Variants in GNS observed in about 807,000 individuals in gnomAD.
The protein encoded by GNS is glucosamine (N-acetyl)-6-sulfatase, also known as N-acetylglucosamine-6-sulfatase.
Under a neutral mutation model 69.7 loss-of-function variants are expected in GNS, and 40 were observed. The ratio of observed to expected loss-of-function variants is 0.57; its 90% CI spans 0.45 to 0.75. The LOEUF (loss-of-function observed/expected upper bound fraction) is 0.75. Among genes scored for constraint, GNS ranks in the 30% least tolerant of loss-of-function variants. GNS has a pLI of 0.00. For synonymous variants in GNS, 243 were observed against 251.6 expected (o/e 0.97, Z 0.32); for missense variants, 565 against 685.5 (o/e 0.82, Z 1.96).
At chr12:64,721,531 A>C in intron 12 of GNS, 64 bp downstream of exon 12, 1 of 824,296 alleles carries the variant, frequency 1.2e-6, no homozygotes, top group Non-Finnish European at 2.2e-6. Flanking sequence ...TATGCCACCA[A>C]GTCCAGCCAA....
At chr12:64,757,562 A>ATT (rs1190614126) in intron 1 of GNS, among the ~76,000 whole-genome samples, 6 of 152,252 alleles carry the variant, frequency 3.9e-5, no homozygotes, top group Admixed American at 2.6e-4. Context: ...AATGAAGCAT[A>ATT]TATGGCAGGA....
chr12:64,754,846 A>C (rs1870198029), intron 1 of GNS, among the ~76,000 whole-genome samples: 1 of 151,848 alleles, frequency 6.6e-6, no homozygotes, highest in South Asian at 2.1e-4. Flanking sequence ...CTATGACTGC[A>C]CCACTGCAAT....
At chr12:64,745,340 C>T (rs1478404691) in intron 4 of GNS, among the ~76,000 whole-genome samples, 2 of 151,232 alleles carry the variant, frequency 1.3e-5, no homozygotes, top group Non-Finnish European at 2.9e-5. Context: ...TTACCTCAGC[C>T]TCCCGAGTAG....
At chr12:64,727,914 TA>T (rs1046469898) in intron 10 of GNS, among the ~76,000 whole-genome samples, 15 of 151,406 alleles carry the variant, frequency 9.9e-5, no homozygotes, top group South Asian at 4.2e-4. Context: ...ATTGGACACT[TA>T]AAAAAAAATG....
chr12:64,720,265 G>A, intron 12 of GNS, 83 bp from the exon 13 acceptor site: 1 of 917,200 alleles, frequency 1.1e-6, no homozygotes, highest in Non-Finnish European at 1.8e-6. Flanking sequence ...TATTTCTAAA[G>A]GGGAAGGGAG....
intron 9 of GNS, among the ~76,000 whole-genome samples, chr12:64,736,498 G>T (rs544252661): frequency 6.6e-6 from 1 of 152,198 alleles, no homozygotes; most frequent in African/African-American, 2.4e-5. Context: ...CAGATCCCAG[G>T]GGATTCACAC....
rs1353889628 is a variant in GNS, at chr12:64,752,755, T to C, written c.195A>G (p.Thr65=). The C allele has an allele frequency of 7.0e-7, 1 of 1,420,158 alleles. No homozygotes were observed. Among genetic ancestry groups the C allele is most frequent in the South Asian group, 1.2e-5 (1 of 86,468 alleles). 88.0% of individuals were successfully genotyped at this position (1,420,158 alleles called of 1,614,324 possible). ...DDQDEVLGGM[T]PLKKTKALIG... ...TGAGAGCTTTGGTTTTCTTTAGCGG[T>C]GTCTGTAAAAGTAAGTAATTATCCA... Residue 65 remains threonine (T), a splice_region_variant and synonymous_variant, in exon 2 of 14, where the codon ACA becomes ACG. Coordinates refer to ENST00000258145, the MANE Select transcript of GNS (RefSeq NM_002076.4).
chr12:64,727,118 A>G (rs1869226358), intron 10 of GNS, among the ~76,000 whole-genome samples: 1 of 151,926 alleles, frequency 6.6e-6, no homozygotes, highest in African/African-American at 2.4e-5. Context: ...AATAGCAAGT[A>G]TTGGCTCCCA....
Position 64,743,246 on chromosome 12 carries a change from G to T in GNS, c.687C>A (p.Ile229=), listed in dbSNP as rs767396748. Residue 229 remains isoleucine, a synonymous_variant, in exon 6 of 14, where the codon ATC becomes ATA. Coordinates refer to ENST00000258145, the MANE Select transcript of GNS (RefSeq NM_002076.4). ...AAGGCGAATGAGGCGCTGGAGTGGC[G>T]ATCATCATGAAGAAGGGCTCAAAGT... ...KSNFEPFFMM[I]ATPAPHSPWT... is the part of the protein sequence containing the mutation. 4 of 1,611,964 alleles carry T rather than the reference G, an allele frequency of 2.5e-6. No homozygotes were observed. In the African/African-American group the frequency reaches 5.3e-5, roughly 22 times the overall value.
At position 64,721,669 on chromosome 12, in the gene GNS, T is replaced by C; in HGVS notation, c.1345A>G (p.Asn449Asp). The change falls in exon 12 of 14, where the codon AAC becomes GAC. Residue 449 changes from asparagine (N) to aspartate (D), a missense_variant. By Grantham distance (23) the Asn-to-Asp change is conservative (BLOSUM62 1). Transcript: ENST00000258145. Reference protein sequence around the residue: ...FPDCVCEDAYNNTYACVRTMS... With the variant: ...FPDCVCEDAYDNTYACVRTMS... ...GTCCTCACACAGGCATAGGTATTGT[T>C]ATAAGCATCTTCACATACACAGTCT... is the stretch of plus-strand genomic sequence containing the variant. 6.3e-7 allele frequency: 1 copy of C among 1,588,874 alleles called. No individual in the cohort carries two copies.
intron 11 of GNS, chr12:64,722,779 C>G: frequency 1.9e-6 from 1 of 525,916 alleles, no homozygotes; most frequent in Non-Finnish European, 3.5e-6. Flanking sequence ...TGGATACATG[C>G]ACTTGCTACA....
At chr12:64,745,849 A>T in intron 3 of GNS, 125 bp from the exon 4 acceptor site, 1 of 713,586 alleles carries the variant, frequency 1.4e-6, no homozygotes, top group Non-Finnish European at 2.6e-6. Flanking sequence ...AATTTCCCCA[A>T]ATAGACACTA....
chr12:64,740,678 CA>C lies in GNS; in HGVS notation c.802del (p.Trp268GlyfsTer2), dbSNP rs1869703342. ...NFNIHGTNKH[W>X]LIRQAKTPMT... ...TGGAGTCTTGGCTTGCCTAATTAAC[CA>C]GTGCTTGTTCTAAAATTTAGAAGAA... On this transcript the variant is annotated frameshift_variant, in exon 7 of 14. Coordinates refer to ENST00000258145, the MANE Select transcript of GNS (RefSeq NM_002076.4). LOFTEE classifies it high-confidence loss of function. 6.5e-7 allele frequency: 1 copy of C among 1,548,354 alleles called. No homozygotes were observed. The highest frequency in any genetic ancestry group is 8.9e-7 in the Non-Finnish European group (1 of 1,120,362).
chr12:64,718,142 G>T (rs997104436), intron 13 of GNS, among the ~76,000 whole-genome samples: 1 of 152,078 alleles, frequency 6.6e-6, no homozygotes, highest in African/African-American at 2.4e-5. Flanking sequence ...CATTTTGGAG[G>T]ACTCAACAGG....
At position 64,720,048 on chromosome 12, in the gene GNS, A is replaced by T. The variant is rs749857419; in HGVS notation, c.1554T>A (p.Cys518Ter). The T allele has an allele frequency of 6.2e-7, 1 of 1,613,564 alleles. No individual in the cohort carries two copies. Among genetic ancestry groups the T allele is most frequent in the Non-Finnish European group, 8.5e-7 (1 of 1,179,462 alleles). ...MMLQSCSGPT[C>*]RTPGVFDPGY... ...CGGGGTCAAAAACCCCTGGAGTGCG[A>T]CAGGTTGGCCCAGAACAGGACTGTA... The change falls in exon 13 of 14, where the codon TGT (cysteine) becomes TGA (stop). Residue 518 changes from cysteine (C) to a stop codon, truncating the protein, a stop_gained. Transcript: ENST00000258145. LOFTEE classifies it high-confidence loss of function.
chr12:64,733,571 T>C (rs1013840435), intron 9 of GNS, among the ~76,000 whole-genome samples: 2 of 152,164 alleles, frequency 1.3e-5, no homozygotes, highest in Non-Finnish European at 2.9e-5. Context: ...CATGAGAAAG[T>C]GCAGAATCCC....
chr12:64,743,070 G>A, intron 6 of GNS, 71 bp downstream of exon 6: 1 of 1,188,428 alleles, frequency 8.4e-7, no homozygotes, highest in Non-Finnish European at 1.3e-6. Context: ...TGGCTCAAAG[G>A]CTTCCTGACA....
At chr12:64,732,958 G>A (rs527915677) in intron 9 of GNS, among the ~76,000 whole-genome samples, 2 of 152,160 alleles carry the variant, frequency 1.3e-5, no homozygotes, top group South Asian at 2.1e-4. Context: ...TAGGATTTAA[G>A]TATATAAATA....
rs774084161 is a variant in GNS, at chr12:64,723,052, C to T, written c.1262G>A (p.Arg421His). 6.8e-6 allele frequency: 11 copies of T among 1,612,902 alleles called. No individual in the cohort carries two copies. Among genetic ancestry groups the T allele is most frequent in the South Asian group, 1.1e-5 (1 of 91,050 alleles). The stretch of plus-strand genomic sequence containing the variant: ...AGGGCATGTTGGGTCAGTGACGTTA[C>T]GGCCTTCTCCTTGGTATTCCACCAG... ...DVLVEYQGEG[R>H]NVTDPTCPSL... The change falls in exon 11 of 14, where the codon CGT becomes CAT. Residue 421 changes from arginine to histidine, a missense_variant. Around this residue, in one of 2 missense-constraint regions of GNS, gnomAD observed 384 missense variants for 511.0 expected, o/e 0.75. Transcript: ENST00000258145.
Sources: allele counts gnomAD v4.1 joint callset (sites outside exome capture counted in the v4.1 genomes callset), GRCh38; gene constraint gnomAD v4.1.1; regional missense constraint gnomAD v4.1.1; transcripts MANE v1.5; gene names NCBI Gene and HGNC (gene_info 2026-07-23, HGNC 2026-07-21).